The following LRRC7 variants were observed in gnomAD, a reference collection of about 807,000 sequenced individuals.
LRRC7 encodes the protein leucine-rich repeat-containing protein 7.
In LRRC7, 23 loss-of-function variants were observed where a neutral mutation model predicts 175.7. That is an observed-to-expected ratio of 0.13 (90% confidence interval 0.09 to 0.19). The LOEUF (loss-of-function observed/expected upper bound fraction) is 0.19. LRRC7 is among the 10% of genes least tolerant of loss of function. LRRC7 has a pLI of 1.00. For missense variants in LRRC7, 1,354 were observed against 1,904.7 expected (o/e 0.71, Z 5.38); for synonymous variants, 685 against 680.9 (o/e 1.01, Z -0.09).
intron 1 of LRRC7, among the ~76,000 whole-genome samples, chr1:69,596,644 G>C (rs967596198): frequency 6.6e-6 from 1 of 152,192 alleles, no homozygotes; most frequent in African/African-American, 2.4e-5. Context: ...TCAATCATTT[G>C]AATATTGGAA....
chr1:70,090,472 A>G (rs1174913983), intron 25 of LRRC7, among the ~76,000 whole-genome samples: 1 of 152,074 alleles, frequency 6.6e-6, no homozygotes, highest in Non-Finnish European at 1.5e-5. Context: ...GCCTCTGCTC[A>G]CATGTGACCT....
At chr1:69,637,746 A>T (rs193204115) in intron 1 of LRRC7, among the ~76,000 whole-genome samples, 5 of 152,060 alleles carry the variant, frequency 3.3e-5, no homozygotes, top group Admixed American at 3.3e-4. Flanking sequence ...AATATATTTT[A>T]CTTAATTACA....
At chr1:70,088,425 G>A (rs1335907022) in intron 24 of LRRC7, among the ~76,000 whole-genome samples, 1 of 152,032 alleles carries the variant, frequency 6.6e-6, no homozygotes, top group African/African-American at 2.4e-5. Context: ...ATTCAGGCAT[G>A]GTGGCATACA....
At chr1:70,093,242 A>G (rs909918116) in intron 25 of LRRC7, among the ~76,000 whole-genome samples, 23 of 152,240 alleles carry the variant, frequency 1.5e-4, no homozygotes, top group Admixed American at 1.1e-3. Context: ...CAAATCTGAT[A>G]GTAAAGCAAT....
chr1:69,963,770 G>C (rs1313253136), intron 8 of LRRC7, among the ~76,000 whole-genome samples: 14 of 152,170 alleles, frequency 9.2e-5, no homozygotes. Context: ...TTAAAGTGCA[G>C]ATCATGAAAC....
At chr1:69,872,884 C>A (rs935293276) in intron 7 of LRRC7, among the ~76,000 whole-genome samples, 10 of 152,058 alleles carry the variant, frequency 6.6e-5, no homozygotes, top group African/African-American at 2.4e-4. Flanking sequence ...CATATGAGAT[C>A]TTTTTCAAAC....
chr1:69,855,479 T>C (rs1373484276), intron 7 of LRRC7, among the ~76,000 whole-genome samples: 2 of 152,198 alleles, frequency 1.3e-5, no homozygotes, highest in Admixed American at 1.3e-4. Flanking sequence ...GATTGCACTG[T>C]GGTTTGAGGG....
At chr1:69,918,091 G>A (rs1425797933) in intron 7 of LRRC7, among the ~76,000 whole-genome samples, 2 of 151,836 alleles carry the variant, frequency 1.3e-5, no homozygotes, top group Admixed American at 1.3e-4. Flanking sequence ...TACTTTTATC[G>A]TGGCACTTGT....
intron 22 of LRRC7, among the ~76,000 whole-genome samples, chr1:70,045,886 A>G (rs1020044685): frequency 6.6e-6 from 1 of 152,122 alleles, no homozygotes; most frequent in Non-Finnish European, 1.5e-5. Flanking sequence ...CATTACCATG[A>G]GAACAGTATG....
At chr1:70,117,214 A>G (rs1164328849) in intron 26 of LRRC7, among the ~76,000 whole-genome samples, 6 of 152,172 alleles carry the variant, frequency 3.9e-5, no homozygotes, top group African/African-American at 1.4e-4. Flanking sequence ...AATCCCACCA[A>G]CCCTGTGGCC....
chr1:70,038,179 C>T lies in LRRC7; in HGVS notation c.2355C>T (p.Pro785=), dbSNP rs565896514. 8.1e-6 allele frequency: 13 copies of T among 1,614,082 alleles called. No individual in the cohort carries two copies. Among genetic ancestry groups the T allele is most frequent in the African/African-American group, 1.3e-5 (1 of 75,030 alleles). Residue 785 remains proline (P), a synonymous_variant, in exon 21 of 27, where the codon CCC becomes CCT. Transcript: ENST00000651989. ...KPLLSQREAV[P]PGNIPQRPDR... The stretch of plus-strand genomic sequence containing the variant: ...TACTCAGCCAGCGGGAGGCTGTTCC[C>T]CCAGGCAATATACCACAGCGTCCTG...
chr1:70,103,078 A>C (rs1664907329), intron 25 of LRRC7, among the ~76,000 whole-genome samples: 1 of 151,932 alleles, frequency 6.6e-6, no homozygotes, highest in Non-Finnish European at 1.5e-5. Context: ...AAAATATAAA[A>C]ATTAGCCAGG....
chr1:69,786,697 A>G (rs551558134), intron 3 of LRRC7, among the ~76,000 whole-genome samples: 40 of 152,234 alleles, frequency 2.6e-4, no homozygotes, highest in Middle Eastern at 3.4e-3. Context: ...ATCTTGTGAG[A>G]TTTATTCAAT....
chr1:69,946,967 A>G (rs1378288729), intron 8 of LRRC7, among the ~76,000 whole-genome samples: 1 of 151,976 alleles, frequency 6.6e-6, no homozygotes, highest in Non-Finnish European at 1.5e-5. Context: ...AATCCCAGCT[A>G]ATCTGGAGGC....
Position 69,759,790 on chromosome 1 carries a change from G to A in LRRC7, c.101-401G>A, listed in dbSNP as rs148912554. Among the ~76,000 whole-genome samples the A allele has an allele frequency of 3.2e-4, 49 of 151,846 alleles. No individual in the cohort carries two copies. In the East Asian group the frequency reaches 8.2e-3, roughly 25 times the overall value. On this transcript the variant is annotated intron_variant, in intron 2 of 26. Coordinates refer to ENST00000651989, the MANE Select transcript of LRRC7 (RefSeq NM_001370785.2). ...AGAAATGGGAGAAATGTTTTTTTCC[G>A]CAAATTCTGGAAGTTTCTGTTCTAC... is the stretch of plus-strand genomic sequence containing the variant.
At chr1:69,837,385 A>G (rs1424185678) in intron 6 of LRRC7, among the ~76,000 whole-genome samples, 1 of 151,950 alleles carries the variant, frequency 6.6e-6, no homozygotes, top group Admixed American at 6.6e-5. Context: ...TATGCTTTAC[A>G]TGTATTACAT....
rs72675098 is a variant in LRRC7, at chr1:69,841,143, A to G, written c.647+2860A>G. Reference sequence around the variant, plus strand: ...TAGGGTTTGCCTCAAATCTCACTCAAATGGTGGTTGGCAAATGGGTTTCTC... The same window carrying G: ...TAGGGTTTGCCTCAAATCTCACTCAGATGGTGGTTGGCAAATGGGTTTCTC... On this transcript the variant is annotated intron_variant, in intron 7 of 26. Transcript: ENST00000651989. Among the ~76,000 whole-genome samples, 835 of 152,024 alleles carry G rather than the reference A, an allele frequency of 5.5e-3. 8 individuals carry two copies. Among genetic ancestry groups the G allele is most frequent in the Middle Eastern group, 0.017 (5 of 294 alleles).
chr1:70,026,256 CTTAT>C (rs1658086862), intron 17 of LRRC7, among the ~76,000 whole-genome samples: 1 of 151,964 alleles, frequency 6.6e-6, no homozygotes, highest in Non-Finnish European at 1.5e-5. Context: ...CCTACTTTAG[CTTAT>C]TTTTTATTCA....
intron 3 of LRRC7, among the ~76,000 whole-genome samples, chr1:69,778,883 TACACACAC>T (rs566636911): frequency 7.4e-5 from 11 of 148,794 alleles, no homozygotes; most frequent in Non-Finnish European, 1.2e-4. Flanking sequence ...TACACACACA[TACACACAC>T]ACACATATAT....
Sources: allele counts gnomAD v4.1 joint callset (sites outside exome capture counted in the v4.1 genomes callset), GRCh38; gene constraint gnomAD v4.1.1; transcripts MANE v1.5; gene names NCBI Gene and HGNC (gene_info 2026-07-23, HGNC 2026-07-21).